The following GALK2 variants were observed in gnomAD, a reference collection of about 807,000 sequenced individuals.
The protein encoded by GALK2 is galactokinase 2, also known as N-acetylgalactosamine kinase.
A neutral mutation model predicts 52.4 loss-of-function variants in GALK2; 36 were observed. That is an observed-to-expected ratio of 0.69 (90% CI 0.53 to 0.91). The LOEUF (loss-of-function observed/expected upper bound fraction) is 0.91. Among genes scored for constraint, GALK2 ranks in the 40% least tolerant of loss-of-function variants. The pLI, the probability that GALK2 is intolerant of heterozygous loss-of-function variation, is 0.00. For synonymous variants in GALK2, 176 were observed against 199.1 expected, an observed-to-expected ratio of 0.88 and a Z score of 0.98; for missense variants, 579 against 559.1, an observed-to-expected ratio of 1.04 and a Z score of -0.36.
intron 2 of GALK2, among the ~76,000 whole-genome samples, chr15:49,214,013 A>G (rs540661067): frequency 3.3e-5 from 5 of 152,082 alleles, no homozygotes; most frequent in Non-Finnish European, 5.9e-5. Context: ...CCAGCTACTC[A>G]GGAGGCTGAG....
rs544633339 is a variant in GALK2 at position 49,224,815 on chromosome 15, C to T, written c.266+7502C>T. 2.0e-4 allele frequency among the ~76,000 whole-genome samples: 31 copies of T among 152,216 alleles called. 1 individual carries two copies. In the East Asian group the frequency reaches 5.8e-3, roughly 28 times the overall value. Reference sequence around the variant, plus strand: ...TACTTTAGTTTTTTCACTGATTCTCCTCTGAGAGAAGTGGTGTTCTTTTAA... The same window carrying T: ...TACTTTAGTTTTTTCACTGATTCTCTTCTGAGAGAAGTGGTGTTCTTTTAA... On this transcript the variant is annotated intron_variant, in intron 3 of 9. Coordinates refer to ENST00000560031, the MANE Select transcript of GALK2 (RefSeq NM_002044.4).
intron 1 of GALK2, among the ~76,000 whole-genome samples, chr15:49,178,166 TC>T (rs1245006609): frequency 5.7e-3 from 131 of 22,794 alleles, no homozygotes; most frequent in African/African-American, 0.024. Context: ...AGACTCTGTT[TC>T]AAAAAAAAAA....
chr15:49,285,158 G>T (rs1422666504), intron 7 of GALK2, among the ~76,000 whole-genome samples: 2 of 152,050 alleles, frequency 1.3e-5, no homozygotes, highest in East Asian at 3.8e-4. Flanking sequence ...GCCACCAAAG[G>T]TTTTTTCATT....
At chr15:49,323,563 T>C (rs922642239) in intron 9 of GALK2, among the ~76,000 whole-genome samples, 2 of 152,174 alleles carry the variant, frequency 1.3e-5, no homozygotes, top group African/African-American at 4.8e-5. Flanking sequence ...AGACAACTAA[T>C]TGAGTGAGTA....
At chr15:49,178,769 C>T (rs948479966) in intron 1 of GALK2, 23 of 214,846 alleles carry the variant, frequency 1.1e-4, no homozygotes, top group Admixed American at 6.2e-4. Context: ...TGTTGCCAGA[C>T]GGAAAGGAAA....
intron 8 of GALK2, chr15:49,318,885 AC>A: frequency 2.3e-6 from 1 of 442,554 alleles, no homozygotes; most frequent in South Asian, 1.6e-5. Flanking sequence ...TTTTCTGTTA[AC>A]AGGGATCATA....
chr15:49,242,706 C>T (rs1430511319), intron 5 of GALK2, among the ~76,000 whole-genome samples: 1 of 152,054 alleles, frequency 6.6e-6, no homozygotes, highest in African/African-American at 2.4e-5. Flanking sequence ...GGCTAATCAC[C>T]CAGAGAATCT....
Position 49,311,028 on chromosome 15 carries a change from T to C in GALK2, c.968-8576T>C, listed in dbSNP as rs2035945771. ...CTAGTAGTTTTATAGTTTTGGGTTT[T>C]ACATTTAAGTCTTTAATCCATCTTA... On this transcript the variant is annotated intron_variant, in intron 8 of 9. Coordinates refer to ENST00000560031, the MANE Select transcript of GALK2 (RefSeq NM_002044.4). Among the ~76,000 whole-genome samples the C allele has an allele frequency of 2.0e-5, 3 of 152,334 alleles. No homozygotes were observed. In the South Asian group the frequency reaches 6.2e-4, roughly 32 times the overall value.
chr15:49,219,199 C>T (rs1376130915), intron 3 of GALK2, among the ~76,000 whole-genome samples: 1 of 152,148 alleles, frequency 6.6e-6, no homozygotes, highest in Non-Finnish European at 1.5e-5. Flanking sequence ...CCACAATTCC[C>T]ACGTGTCCTG....
At chr15:49,309,294 C>G (rs2035796750) in intron 8 of GALK2, among the ~76,000 whole-genome samples, 1 of 152,154 alleles carries the variant, frequency 6.6e-6, no homozygotes, top group Non-Finnish European at 1.5e-5. Context: ...ATCTTCAAAA[C>G]AAGTTTCTTT....
At chr15:49,162,283 T>C (rs2084679430) in intron 1 of GALK2, among the ~76,000 whole-genome samples, 1 of 152,248 alleles carries the variant, frequency 6.6e-6, no homozygotes. Flanking sequence ...AGTATAATTA[T>C]GTTGAGATTT....
chr15:49,211,659 T>G (rs1049084483), intron 2 of GALK2, among the ~76,000 whole-genome samples: 2 of 152,086 alleles, frequency 1.3e-5, no homozygotes, highest in African/African-American at 4.8e-5. Flanking sequence ...TGGGAAAGCC[T>G]CAGGAAACTT....
intron 3 of GALK2, among the ~76,000 whole-genome samples, chr15:49,233,167 T>C (rs1184654724): frequency 6.6e-6 from 1 of 152,180 alleles, no homozygotes; most frequent in East Asian, 1.9e-4. Flanking sequence ...ACAGGAAGCA[T>C]GGCTAGGGAG....
intron 6 of GALK2, among the ~76,000 whole-genome samples, chr15:49,282,583 A>G (rs764671235): frequency 7.9e-5 from 12 of 152,200 alleles, no homozygotes; most frequent in Non-Finnish European, 1.6e-4. Flanking sequence ...GGGAAAAAGA[A>G]TGTTGCCAGT....
At chr15:49,156,065 G>C (rs370929156) in intron 1 of GALK2, 1 of 1,586,444 alleles carries the variant, frequency 6.3e-7, no homozygotes, top group Non-Finnish European at 8.7e-7. Flanking sequence ...CACACATTGC[G>C]GTGGGTGTTC....
rs1344873212 is a variant in GALK2 at position 49,269,853 on chromosome 15, T to C, written c.505-12134T>C. On this transcript the variant is annotated intron_variant, in intron 5 of 9. Transcript: ENST00000560031. ...ATTTTCCTTCTATTTAATCAAACTC[T>C]ATCCTTTCTATCTATATATCCCCAA... is the stretch of plus-strand genomic sequence containing the variant. Among the ~76,000 whole-genome samples, 13 of 152,366 alleles carry C rather than the reference T, an allele frequency of 8.5e-5. No homozygotes were observed. The East Asian group carries it at 2.5e-3, about 29-fold the overall frequency.
chr15:49,249,089 G>A (rs1324174618), intron 5 of GALK2, among the ~76,000 whole-genome samples: 1 of 152,190 alleles, frequency 6.6e-6, no homozygotes, highest in East Asian at 1.9e-4. Flanking sequence ...AATAATGCAA[G>A]TGATATTAAG....
chr15:49,162,591 T>C (rs2084690316), intron 1 of GALK2, among the ~76,000 whole-genome samples: 2 of 152,232 alleles, frequency 1.3e-5, no homozygotes, highest in South Asian at 4.1e-4. Context: ...GACTTGCTTC[T>C]AACTAAAATA....
chr15:49,235,862 C>T lies in GALK2; in HGVS notation c.278C>T (p.Thr93Ile), dbSNP rs753575527. Reference sequence around the variant, plus strand: ...TTTTGTCTTCGCAGGGACTTCAGTACTAGTGCTAATAACATCCAGATTGAT... The same window carrying T: ...TTTTGTCTTCGCAGGGACTTCAGTATTAGTGCTAATAACATCCAGATTGAT... The part of the protein sequence containing the change: ...NTNPLYPDFS[T>I]SANNIQIDKT... The change falls in exon 4 of 10, where the codon ACT (threonine) becomes ATT (isoleucine). Residue 93 changes from threonine to isoleucine, a missense_variant. By Grantham distance (89) the Thr-to-Ile change is moderately conservative. Transcript: ENST00000560031. 2.5e-6 allele frequency: 4 copies of T among 1,611,120 alleles called. No individual in the cohort carries two copies. The highest frequency in any genetic ancestry group is 3.4e-6 in the Non-Finnish European group (4 of 1,177,466).
Sources: gnomAD v4.1 joint callset for allele counts (sites outside exome capture counted in the v4.1 genomes callset) on GRCh38, gnomAD v4.1.1 for gene constraint, MANE v1.5 for transcripts, NCBI Gene and HGNC (gene_info 2026-07-23, HGNC 2026-07-21) for gene names.